Variants in DTWD2 observed in about 807,000 individuals in gnomAD.
The protein encoded by DTWD2 is tRNA-uridine aminocarboxypropyltransferase 2.
DTWD2 carries 39 observed loss-of-function variants against 31.8 expected under a neutral mutation model. The observed-to-expected ratio is 1.22, with a 90% CI of 0.95 to 1.60. DTWD2 has a LOEUF of 1.60. DTWD2 is among the 40% of genes most tolerant of loss of function. The pLI is 0.00. For missense variants in DTWD2, 515 were observed against 381.5 expected (o/e 1.35, Z -2.92); for synonymous variants, 180 against 142.8 (o/e 1.26, Z -1.86).
chr5:118,978,104 A>G (rs1431193760), intron 1 of DTWD2, among the ~76,000 whole-genome samples: 1 of 140,650 alleles, frequency 7.1e-6, no homozygotes, highest in African/African-American at 2.6e-5. Context: ...CAATGGGGAA[A>G]GGATTCCCTG....
At chr5:118,854,137 T>C (rs1318706192) in intron 4 of DTWD2, among the ~76,000 whole-genome samples, 1 of 152,160 alleles carries the variant, frequency 6.6e-6, no homozygotes, top group African/African-American at 2.4e-5. Context: ...AAATTACAAA[T>C]TTAGACATTT....
At chr5:118,915,049 T>A (rs921492043) in intron 4 of DTWD2, among the ~76,000 whole-genome samples, 1 of 152,052 alleles carries the variant, frequency 6.6e-6, no homozygotes, top group African/African-American at 2.4e-5. Context: ...GAATCCTGTC[T>A]CTACTAAAAA....
At chr5:118,979,019 T>G (rs1755228749) in intron 1 of DTWD2, among the ~76,000 whole-genome samples, 1 of 134,078 alleles carries the variant, frequency 7.5e-6, no homozygotes, top group African/African-American at 2.8e-5. Context: ...AAATAAAAAA[T>G]AGAGGCCAGG....
intron 1 of DTWD2, among the ~76,000 whole-genome samples, chr5:118,975,248 T>G (rs1480580954): frequency 1.3e-5 from 2 of 152,182 alleles, no homozygotes; most frequent in Non-Finnish European, 2.9e-5. Flanking sequence ...TCTGTAATCT[T>G]GTCTTCACGC....
chr5:118,969,352 T>A (rs1455333067), intron 1 of DTWD2, among the ~76,000 whole-genome samples: 1 of 152,150 alleles, frequency 6.6e-6, no homozygotes, highest in East Asian at 1.9e-4. Context: ...TTTAAGCAGG[T>A]CCCTGATCCT....
chr5:118,978,946 C>T (rs942641145), intron 1 of DTWD2, among the ~76,000 whole-genome samples: 6 of 151,836 alleles, frequency 4.0e-5, no homozygotes, highest in Admixed American at 1.3e-4. Flanking sequence ...ATGGAGGTTG[C>T]AGTGAGCCAA....
intron 4 of DTWD2, among the ~76,000 whole-genome samples, chr5:118,908,419 A>C (rs1253053507): frequency 6.6e-6 from 1 of 152,200 alleles, no homozygotes; most frequent in Non-Finnish European, 1.5e-5. Flanking sequence ...GCTTCATTGC[A>C]TTTCTGGGTA....
chr5:118,929,489 C>CT (rs60962983), intron 3 of DTWD2, among the ~76,000 whole-genome samples: 27,397 of 144,630 alleles, frequency 0.19, 2,748 homozygotes, highest in Middle Eastern at 0.28. Flanking sequence ...CGTCACTTCC[C>CT]TTTTTTTTTT....
chr5:118,960,319 GA>G (rs1754678038), intron 1 of DTWD2, among the ~76,000 whole-genome samples: 1 of 152,088 alleles, frequency 6.6e-6, no homozygotes, highest in Non-Finnish European at 1.5e-5. Flanking sequence ...AGAAGCATAT[GA>G]AAAAATGCTC....
At chr5:118,949,316 C>A (rs1291860468) in intron 1 of DTWD2, among the ~76,000 whole-genome samples, 2 of 151,958 alleles carry the variant, frequency 1.3e-5, no homozygotes, top group Non-Finnish European at 2.9e-5. Flanking sequence ...CAGGGTCAGT[C>A]CAAGTGAAAG....
At chr5:118,869,293 C>T (rs1319609317) in intron 4 of DTWD2, among the ~76,000 whole-genome samples, 1 of 152,066 alleles carries the variant, frequency 6.6e-6, no homozygotes, top group Admixed American at 6.6e-5. Flanking sequence ...CAGAAAATAG[C>T]TGGTGAGTGG....
chr5:118,940,579 C>A (rs1580423957), intron 2 of DTWD2, among the ~76,000 whole-genome samples: 1 of 152,090 alleles, frequency 6.6e-6, no homozygotes, highest in East Asian at 1.9e-4. Context: ...TAGATATTAT[C>A]CAAAAACTAC....
chr5:118,862,205 T>A (rs748456014), intron 4 of DTWD2, among the ~76,000 whole-genome samples: 1 of 152,180 alleles, frequency 6.6e-6, no homozygotes, highest in Non-Finnish European at 1.5e-5. Flanking sequence ...TGAAGTGGAA[T>A]AGTTTCATCC....
chr5:118,948,550 G>C (rs1397513218), intron 1 of DTWD2, among the ~76,000 whole-genome samples: 1 of 152,116 alleles, frequency 6.6e-6, no homozygotes, highest in Non-Finnish European at 1.5e-5. Context: ...TGGGGAAATG[G>C]AGTGAATGCC....
intron 1 of DTWD2, among the ~76,000 whole-genome samples, chr5:118,979,248 G>A (rs2149603009): frequency 6.6e-6 from 1 of 152,258 alleles, no homozygotes; most frequent in East Asian, 1.9e-4. Context: ...AGCTTGCAGT[G>A]AGCAAAGACT....
intron 1 of DTWD2, among the ~76,000 whole-genome samples, chr5:118,982,131 C>A (rs1755315687): frequency 6.6e-6 from 1 of 152,160 alleles, no homozygotes; most frequent in Admixed American, 6.6e-5. Context: ...CCAGTGAACT[C>A]TTTTTAAGTG....
chr5:118,864,501 T>G (rs1431485597), intron 4 of DTWD2, among the ~76,000 whole-genome samples: 1 of 148,400 alleles, frequency 6.7e-6, no homozygotes, highest in East Asian at 2.0e-4. Flanking sequence ...CTGTACATTG[T>G]GCACATGTAC....
chr5:118,846,934 ACACACAC>A (rs1751870089), intron 5 of DTWD2, among the ~76,000 whole-genome samples: 4 of 124,520 alleles, frequency 3.2e-5, no homozygotes, highest in African/African-American at 5.2e-5. Context: ...ACACACACAC[ACACACAC>A]ACACACACAC....
At position 118,836,786 on chromosome 5, in the gene DTWD2, C is replaced by T. The variant is rs1751579918; in HGVS notation, c.*4131G>A. Reference sequence around the variant, plus strand: ...CAGCTAGAATGCACCATCTATGAACCAGTGAGTGGGCCCCTCACCAGACAC... The same window carrying T: ...CAGCTAGAATGCACCATCTATGAACTAGTGAGTGGGCCCCTCACCAGACAC... On this transcript the variant is annotated 3_prime_UTR_variant, in exon 6 of 6. Transcript: ENST00000510708. Among the ~76,000 whole-genome samples the T allele has an allele frequency of 6.6e-6, 1 of 152,162 alleles. No individual in the cohort carries two copies. The highest frequency in any genetic ancestry group is 1.5e-5 in the Non-Finnish European group (1 of 68,032).
Sources: gnomAD v4.1 joint callset for allele counts (sites outside exome capture counted in the v4.1 genomes callset) on GRCh38, gnomAD v4.1.1 for gene constraint, MANE v1.5 for transcripts, NCBI Gene and HGNC (gene_info 2026-07-23, HGNC 2026-07-21) for gene names.